SSTR3: variants seen among roughly 807,000 people sequenced by gnomAD.
The protein encoded by SSTR3 is somatostatin receptor 3.
For synonymous variants in SSTR3, 281 were observed against 269.2 expected (o/e 1.04, Z -0.43); for missense variants, 504 against 604.7 (o/e 0.83, Z 1.75).
chr22:37,217,257 T>C (rs1428555593), upstream of SSTR3, among the ~76,000 whole-genome samples: 1 of 152,178 alleles, frequency 6.6e-6, no homozygotes, highest in Non-Finnish European at 1.5e-5. Flanking sequence ...GGAAGGCGTC[T>C]GTCGGTGTCT....
chr22:37,215,140 C>T (rs955307348), upstream of SSTR3, among the ~76,000 whole-genome samples: 11 of 152,246 alleles, frequency 7.2e-5, no homozygotes, highest in South Asian at 1.0e-3. Flanking sequence ...CCTTATGCCT[C>T]GGTGCATACA....
chr22:37,218,415 C>T, the SSTR3 span, among the ~76,000 whole-genome samples: 10 of 152,188 alleles, frequency 6.6e-5, no homozygotes, highest in South Asian at 2.1e-4. Flanking sequence ...ATTAGCCTGG[C>T]GTGGTGGCGC....
chr22:37,207,983 C>T (rs753140061), intron 1 of SSTR3, 144 bp from the exon 2 acceptor site: 64 of 1,323,944 alleles, frequency 4.8e-5, no homozygotes, highest in East Asian at 4.3e-4. Flanking sequence ...GTGCTTAGCA[C>T]GCACCATCTC....
chr22:37,210,187 C>A (rs1385263417), intron 1 of SSTR3, among the ~76,000 whole-genome samples: 1 of 152,214 alleles, frequency 6.6e-6, no homozygotes, highest in African/African-American at 2.4e-5. Context: ...GAGCACCAGG[C>A]TCCTGAGAGA....
Position 37,206,624 on chromosome 22 carries a change from T to C in SSTR3, c.1180A>G (p.Ser394Gly), listed in dbSNP as rs771796089. The C allele has an allele frequency of 1.1e-5, 18 of 1,612,030 alleles. No homozygotes were observed. The Middle Eastern group carries it at 5.0e-4, about 44-fold the overall frequency. Residue 394 changes from serine to glycine, a missense_variant, in exon 2 of 2, where the codon AGC becomes GGC. Transcript: ENST00000610913. ...GQERPPSRVASKEQQLLPQEA... is the reference protein window; with the variant it reads ...GQERPPSRVAGKEQQLLPQEA... ...TGGGGTAGGAGCTGCTGCTCCTTGC[T>C]GGCCACTCTGCTGGGCGGCCGCTCC...
At chr22:37,210,364 G>A (rs35685849) in intron 1 of SSTR3, among the ~76,000 whole-genome samples, 1,532 of 152,352 alleles carry the variant, frequency 0.01, 87 homozygotes, top group Admixed American at 0.094. Flanking sequence ...GCAGGAACAC[G>A]GCGTGCCTAG....
chr22:37,207,817 GT>G lies in SSTR3; in HGVS notation c.-15del. 2 of 1,493,692 alleles carry G rather than the reference GT, an allele frequency of 1.3e-6. No individual in the cohort carries two copies. Among genetic ancestry groups the G allele is most frequent in the Non-Finnish European group, 1.8e-6 (2 of 1,122,612 alleles). The allele number at this position is 1,493,692 out of a possible 1,614,324, so 92.5% of individuals were successfully genotyped here. On this transcript the variant is annotated 5_prime_UTR_variant, in exon 2 of 2. Coordinates refer to ENST00000610913, the MANE Select transcript of SSTR3 (RefSeq NM_001051.5). ...AAGCATGTCCATGGCTGAGGGGAGG[GT>G]GGTCAGCAGTCAGCTATTTGCCTGG...
the SSTR3 span, among the ~76,000 whole-genome samples, chr22:37,218,752 T>C: frequency 6.6e-6 from 1 of 151,858 alleles, no homozygotes; most frequent in South Asian, 2.1e-4. Context: ...GAATACTCCT[T>C]GCTGGGGTTA....
At chr22:37,215,061 C>A (rs576011215), upstream of SSTR3, among the ~76,000 whole-genome samples, 7 of 152,260 alleles carry the variant, frequency 4.6e-5, no homozygotes, top group South Asian at 1.4e-3. Context: ...TTTTAATTTG[C>A]TTTTATTTTA....
At chr22:37,213,921 G>A (rs1446332121), upstream of SSTR3, among the ~76,000 whole-genome samples, 1 of 152,206 alleles carries the variant, frequency 6.6e-6, no homozygotes, top group African/African-American at 2.4e-5. Context: ...TGCAGGTTGG[G>A]GTATAGGGGC....
At chr22:37,217,943 A>G in the SSTR3 span, among the ~76,000 whole-genome samples, 1 of 152,240 alleles carries the variant, frequency 6.6e-6, no homozygotes, top group African/African-American at 2.4e-5. Context: ...GCCTCAAGCA[A>G]TCCATCCACC....
intron 1 of SSTR3, chr22:37,210,561 G>A (rs567646073): frequency 5.6e-5 from 55 of 985,500 alleles, no homozygotes; most frequent in Non-Finnish European, 6.5e-5. Flanking sequence ...TTGAGGTGCC[G>A]TCTTTTCTTT....
In SSTR3 at chr22:37,206,428, CA is replaced by C. The variant is rs558481376; in HGVS notation, c.*118del. ...ACACAGCAAGACCTGGCAGCAATAG[CA>C]TCAAAGTCCAGGCCCCTCAACATCC... On this transcript the variant is annotated 3_prime_UTR_variant, in exon 2 of 2. Transcript: ENST00000610913. 4.9e-5 allele frequency: 71 copies of C among 1,445,046 alleles called. 1 individual carries two copies. The South Asian group carries it at 9.5e-4, about 19-fold the overall frequency. 89.5% of individuals were successfully genotyped at this position (1,445,046 alleles called of 1,614,324 possible). A position where few individuals can be genotyped will look rare whatever the true frequency, so the allele number is the denominator to read the frequency against.
In SSTR3 at chr22:37,212,209, A is replaced by AAGAGAGAG. The variant is rs34856117; in HGVS notation, c.-429_-422dup. The AAGAGAGAG allele has an allele frequency of 2.4e-6, 2 of 844,992 alleles. No individual in the cohort carries two copies. The highest frequency in any genetic ancestry group is 2.8e-6 in the Non-Finnish European group (2 of 703,758). 52.3% of individuals were successfully genotyped at this position (844,992 alleles called of 1,614,324 possible). A position where few individuals can be genotyped will look rare whatever the true frequency, so the allele number is the denominator to read the frequency against. On this transcript the variant is annotated 5_prime_UTR_variant, in exon 1 of 2. The change creates a premature stop within an existing upstream ORF in the 5' untranslated region. Transcript: ENST00000610913. ...AAAGGGGGTCGGGAGGAGGTGGAGA[A>AAGAGAGAG]AGAGAGAGAGAGAGAAAGAGGGAGG...
chr22:37,211,841 G>A lies in SSTR3; in HGVS notation c.-53C>T, dbSNP rs1227427049. On this transcript the variant is annotated 5_prime_UTR_variant, in exon 1 of 2. Transcript: ENST00000610913. ...CCTCCTTACCTGCCCATGGGGTGAG[G>A]GCTTCCCTCCTTGCCGCCAGGCTGG... is the stretch of plus-strand genomic sequence containing the variant. 5 of 985,630 alleles carry A rather than the reference G, an allele frequency of 5.1e-6. No homozygotes were observed. The highest frequency in any genetic ancestry group is 1.7e-5 in the African/African-American group (1 of 57,224). The allele number at this position is 985,630 out of a possible 1,614,324, so 61.1% of individuals were successfully genotyped here.
At chr22:37,214,419 A>C (rs1569083346), upstream of SSTR3, among the ~76,000 whole-genome samples, 1 of 152,170 alleles carries the variant, frequency 6.6e-6, no homozygotes, top group South Asian at 2.1e-4. Flanking sequence ...CAGATCTTTT[A>C]ATCCTTATCT....
chr22:37,209,374 G>T (rs1470148527), intron 1 of SSTR3, among the ~76,000 whole-genome samples: 3 of 152,208 alleles, frequency 2.0e-5, no homozygotes. Context: ...TCTCCAGCTG[G>T]CTGGGTTCAG....
At chr22:37,208,154 C>G (rs1387270786) in intron 1 of SSTR3, among the ~76,000 whole-genome samples, 2 of 152,208 alleles carry the variant, frequency 1.3e-5, no homozygotes, top group Admixed American at 6.5e-5. Context: ...ACCTGCCCTT[C>G]CTTTCTACAT....
At chr22:37,217,929 C>G in the SSTR3 span, among the ~76,000 whole-genome samples, 3 of 152,186 alleles carry the variant, frequency 2.0e-5, no homozygotes, top group Non-Finnish European at 4.4e-5. Flanking sequence ...GTCTCAAACT[C>G]CTGGCCTCAA....
Sources: allele counts gnomAD v4.1 joint callset (sites outside exome capture counted in the v4.1 genomes callset), GRCh38; gene constraint gnomAD v4.1.1; transcripts MANE v1.5; gene names NCBI Gene and HGNC (gene_info 2026-07-23, HGNC 2026-07-21).